ARMH4: variants seen among roughly 807,000 people sequenced by gnomAD.
ARMH4 encodes the protein armadillo like helical domain containing 4.
In ARMH4, 49 loss-of-function variants were observed where a neutral mutation model predicts 61.9. That is an observed-to-expected ratio of 0.79 (90% CI 0.63 to 1.00). The LOEUF is 1.00. Ranked by LOEUF, ARMH4 falls within the 50% of genes least tolerant of loss-of-function variation. The pLI, the probability that ARMH4 is intolerant of heterozygous loss-of-function variation, is 0.00. For synonymous variants in ARMH4, 368 were observed against 341.5 expected (o/e 1.08, Z -0.85); for missense variants, 934 against 930.0 (o/e 1.00, Z -0.06).
At chr14:58,114,211 C>T (rs1886446693) in intron 4 of ARMH4, among the ~76,000 whole-genome samples, 1 of 152,122 alleles carries the variant, frequency 6.6e-6, no homozygotes, top group Admixed American at 6.5e-5. Flanking sequence ...TGTGGGAAGT[C>T]AGGGTGTGAT....
rs763375353 is a variant in ARMH4 at position 58,131,510 on chromosome 14, A to G, written c.1831+2T>C. On this transcript the variant is annotated splice_donor_variant, in intron 4 of 7. Coordinates refer to ENST00000267485, the MANE Select transcript of ARMH4 (RefSeq NM_001001872.4). LOFTEE classifies it high-confidence loss of function. ...AAAAGATCCCCTTCAAAGCATGAAT[A>G]CCTTCAGATTCAAGTTGGTCCAGGC... 2 of 1,611,416 alleles carry G rather than the reference A, an allele frequency of 1.2e-6. No homozygotes were observed. The highest frequency in any genetic ancestry group is 3.3e-5 in the Admixed American group (2 of 60,008).
chr14:58,072,563 A>G (rs1594739766), intron 5 of ARMH4, among the ~76,000 whole-genome samples: 1 of 152,094 alleles, frequency 6.6e-6, no homozygotes, highest in South Asian at 2.1e-4. Flanking sequence ...TACTAACAAC[A>G]CAAAAAAAAT....
rs141574820 is a variant in ARMH4, at chr14:58,102,539, C to T, written c.1832-5558G>A. 8.7e-3 allele frequency among the ~76,000 whole-genome samples: 1,321 copies of T among 152,128 alleles called. 22 individuals are homozygous for T. Among genetic ancestry groups the T allele is most frequent in the African/African-American group, 0.03 (1,257 of 41,502 alleles). On this transcript the variant is annotated intron_variant, in intron 4 of 7. Coordinates refer to ENST00000267485, the MANE Select transcript of ARMH4 (RefSeq NM_001001872.4). Reference sequence around the variant, plus strand: ...CTTATAAGAGTAAGGCGGCCGGGCGCGGTGGCTCACGCCTGTAATCCCAGC... The same window carrying T: ...CTTATAAGAGTAAGGCGGCCGGGCGTGGTGGCTCACGCCTGTAATCCCAGC...
intron 5 of ARMH4, among the ~76,000 whole-genome samples, chr14:58,066,809 T>C (rs1884720694): frequency 6.6e-6 from 1 of 152,194 alleles, no homozygotes; most frequent in Admixed American, 6.5e-5. Flanking sequence ...ATTAAGTATA[T>C]ACACTAACCG....
At chr14:58,023,650 C>T (rs913924976) in intron 5 of ARMH4, among the ~76,000 whole-genome samples, 3 of 152,164 alleles carry the variant, frequency 2.0e-5, no homozygotes, top group African/African-American at 7.2e-5. Context: ...AAGATGAATC[C>T]TTTCCAGAAG....
intron 6 of ARMH4, among the ~76,000 whole-genome samples, chr14:58,007,503 T>C (rs1882224096): frequency 6.6e-6 from 1 of 152,238 alleles, no homozygotes; most frequent in South Asian, 2.1e-4. Flanking sequence ...TTTTGTCTCC[T>C]CTGTTTTGTT....
At chr14:58,061,505 C>T (rs935217422) in intron 5 of ARMH4, among the ~76,000 whole-genome samples, 3 of 152,186 alleles carry the variant, frequency 2.0e-5, no homozygotes, top group African/African-American at 7.2e-5. Context: ...ATTATTTCTG[C>T]TTTCCCTGCT....
intron 4 of ARMH4, among the ~76,000 whole-genome samples, chr14:58,126,870 T>G (rs1314257242): frequency 6.7e-6 from 1 of 149,792 alleles, no homozygotes; most frequent in African/African-American, 2.5e-5. Context: ...TGGTGTGATC[T>G]CGGCTCACTG....
intron 6 of ARMH4, among the ~76,000 whole-genome samples, chr14:58,009,879 TG>T (rs959558293): frequency 1.4e-5 from 2 of 146,754 alleles, no homozygotes; most frequent in African/African-American, 2.5e-5. Context: ...CCATTGTCAT[TG>T]GGGGTGGGGG....
chr14:58,072,217 T>C (rs1464506098), intron 5 of ARMH4, among the ~76,000 whole-genome samples: 1 of 152,180 alleles, frequency 6.6e-6, no homozygotes, highest in African/African-American at 2.4e-5. Flanking sequence ...GAAGTATTCG[T>C]TGAATGAATG....
chr14:58,107,372 A>G (rs1240871006), intron 4 of ARMH4, among the ~76,000 whole-genome samples: 1 of 152,202 alleles, frequency 6.6e-6, no homozygotes, highest in Non-Finnish European at 1.5e-5. Context: ...ATTAGTTTGA[A>G]TCATCATCTT....
At chr14:58,054,584 T>C (rs1032157215) in intron 5 of ARMH4, among the ~76,000 whole-genome samples, 2 of 152,134 alleles carry the variant, frequency 1.3e-5, no homozygotes, top group African/African-American at 2.4e-5. Context: ...CTACGTTGCA[T>C]TGAAAATTTG....
chr14:58,143,337 A>G (rs1003016037), intron 1 of ARMH4, among the ~76,000 whole-genome samples: 2 of 152,228 alleles, frequency 1.3e-5, no homozygotes, highest in African/African-American at 2.4e-5. Flanking sequence ...TAGAAGAAAC[A>G]TAAGTCCCCA....
chr14:58,023,968 G>A (rs1035636992), intron 5 of ARMH4, among the ~76,000 whole-genome samples: 1 of 152,164 alleles, frequency 6.6e-6, no homozygotes, highest in African/African-American at 2.4e-5. Context: ...GTTGTAAACA[G>A]ATGTGCTGTC....
chr14:58,085,133 G>C (rs1316463521), intron 5 of ARMH4, among the ~76,000 whole-genome samples: 1 of 152,054 alleles, frequency 6.6e-6, no homozygotes, highest in Non-Finnish European at 1.5e-5. Context: ...ATTCTTAATA[G>C]AGTGGACCAA....
chr14:58,119,188 T>G (rs1384391044), intron 4 of ARMH4, among the ~76,000 whole-genome samples: 1 of 152,204 alleles, frequency 6.6e-6, no homozygotes, highest in South Asian at 2.1e-4. Context: ...TTTAAATTGG[T>G]GTATTACATT....
intron 4 of ARMH4, among the ~76,000 whole-genome samples, chr14:58,105,051 A>G (rs1886124351): frequency 6.6e-6 from 1 of 152,204 alleles, no homozygotes; most frequent in Non-Finnish European, 1.5e-5. Flanking sequence ...ATTTCGGCCA[A>G]TCTTTCAATT....
intron 4 of ARMH4, chr14:58,100,872 T>A (rs1377265562): frequency 6.6e-6 from 1 of 152,658 alleles, no homozygotes; most frequent in Non-Finnish European, 1.5e-5. Context: ...GGGCCAGAAG[T>A]GAACCAGAGT....
At chr14:58,048,342 T>C (rs931547325) in intron 5 of ARMH4, among the ~76,000 whole-genome samples, 3 of 152,248 alleles carry the variant, frequency 2.0e-5, no homozygotes, top group African/African-American at 4.8e-5. Flanking sequence ...CTGGTTGCTA[T>C]GGACTCAATC....
Sources: allele counts gnomAD v4.1 joint callset (sites outside exome capture counted in the v4.1 genomes callset), GRCh38; gene constraint gnomAD v4.1.1; transcripts MANE v1.5; gene names NCBI Gene and HGNC (gene_info 2026-07-23, HGNC 2026-07-21).